Variants in CDC42BPB observed in about 807,000 individuals in gnomAD.
CDC42BPB encodes the protein CDC42 binding protein kinase beta, also known as serine/threonine-protein kinase MRCK beta.
A neutral mutation model predicts 214.9 loss-of-function variants in CDC42BPB; 37 were observed. That is an observed-to-expected ratio of 0.17 (90% CI 0.13 to 0.23). CDC42BPB has a LOEUF of 0.23. Among genes scored for constraint, CDC42BPB ranks in the 10% least tolerant of loss-of-function variants. The pLI is 1.00. For synonymous variants in CDC42BPB, 931 were observed against 884.0 expected (o/e 1.05, Z -0.94); for missense variants, 1,694 against 2,227.0 (o/e 0.76, Z 4.82).
chr14:103,052,856 G>C (rs1888686072), intron 1 of CDC42BPB, among the ~76,000 whole-genome samples: 3 of 152,096 alleles, frequency 2.0e-5, no homozygotes, highest in Non-Finnish European at 1.5e-5. Flanking sequence ...CCATCCAAAC[G>C]CAACATTAGC....
chr14:102,974,283 C>CACACACAT, intron 11 of CDC42BPB, 134 bp from the exon 12 acceptor site: 1 of 338,974 alleles, frequency 3.0e-6, no homozygotes, highest in East Asian at 9.0e-5. Flanking sequence ...TTTTTACTTA[C>CACACACAT]ACACACACAC....
At chr14:103,042,730 C>G (rs921010961) in intron 1 of CDC42BPB, among the ~76,000 whole-genome samples, 36 of 151,998 alleles carry the variant, frequency 2.4e-4, no homozygotes, top group African/African-American at 8.7e-4. Flanking sequence ...TAGGGAAAAG[C>G]AAATCAAAAC....
At chr14:103,000,300 C>G (rs1894919905) in intron 4 of CDC42BPB, among the ~76,000 whole-genome samples, 1 of 152,278 alleles carries the variant, frequency 6.6e-6, no homozygotes, top group South Asian at 2.1e-4. Flanking sequence ...CCGTCACTTC[C>G]CCGCGAGTTC....
rs187885224 is a variant in CDC42BPB at position 102,960,797 on chromosome 14, A to G, written c.2822-1087T>C. On this transcript the variant is annotated intron_variant, in intron 20 of 36. Coordinates refer to ENST00000361246, the MANE Select transcript of CDC42BPB (RefSeq NM_006035.4). The stretch of plus-strand genomic sequence containing the variant: ...ATTGGACAACCAGCTAGCCATTAGC[A>G]AAAGATAAAACTGGATACACTCCTC... Among the ~76,000 whole-genome samples, 1,114 of 152,312 alleles carry G rather than the reference A, an allele frequency of 7.3e-3. 17 individuals carry two copies. The highest frequency in any genetic ancestry group is 0.026 in the African/African-American group (1,073 of 41,552).
intron 36 of CDC42BPB, among the ~76,000 whole-genome samples, chr14:102,937,456 G>T (rs1421026848): frequency 6.6e-6 from 1 of 152,258 alleles, no homozygotes; most frequent in Non-Finnish European, 1.5e-5. Context: ...CAGTGCTGGG[G>T]CTGAGATGTG....
In CDC42BPB at chr14:102,933,842, G is replaced by A. The variant is rs1287785304; in HGVS notation, c.5006C>T (p.Pro1669Leu). Residue 1669 changes from proline to leucine, a missense_variant and splice_region_variant, in exon 37 of 37, where the codon CCT (proline) becomes CTT (leucine). Physicochemically the swap from Pro to Leu is moderately conservative, Grantham distance 98. Around this residue, in one of 7 missense-constraint regions of CDC42BPB, gnomAD observed 146 missense variants for 134.1 expected, o/e 1.09. Transcript: ENST00000361246. ...SDPDQDFDKE[P>L]DSDSTKHSTP... is the part of the protein sequence containing the mutation. ...TGAGTGTTTGGTGGAGTCCGAATCAGGCTGTGAACAGGAAGAGGGCAGGGT... is the reference window on the plus strand; with the variant it reads ...TGAGTGTTTGGTGGAGTCCGAATCAAGCTGTGAACAGGAAGAGGGCAGGGT... The A allele has an allele frequency of 1.3e-6, 2 of 1,522,242 alleles. No homozygotes were observed. Among genetic ancestry groups the A allele is most frequent in the Non-Finnish European group, 1.8e-6 (2 of 1,142,198 alleles). The allele number at this position is 1,522,242 out of a possible 1,614,324, so 94.3% of individuals were successfully genotyped here. A position where few individuals can be genotyped will look rare whatever the true frequency, so the allele number is the denominator to read the frequency against.
chr14:103,000,606 T>C (rs1403543811), intron 4 of CDC42BPB, among the ~76,000 whole-genome samples: 1 of 152,218 alleles, frequency 6.6e-6, no homozygotes, highest in Admixed American at 6.5e-5. Flanking sequence ...CCTTCCTTGG[T>C]GCAAATTTCC....
intron 1 of CDC42BPB, among the ~76,000 whole-genome samples, chr14:103,055,876 T>C (rs1392645971): frequency 6.6e-6 from 1 of 152,250 alleles, no homozygotes; most frequent in Admixed American, 6.5e-5. Context: ...GATTAGAAAT[T>C]ACTGGTTCGA....
chr14:102,970,832 T>C (rs1206480739), intron 13 of CDC42BPB, among the ~76,000 whole-genome samples: 3 of 152,144 alleles, frequency 2.0e-5, no homozygotes, highest in Admixed American at 6.5e-5. Context: ...GGTTGCAAAA[T>C]AGACTAAGAA....
intron 1 of CDC42BPB, among the ~76,000 whole-genome samples, chr14:103,033,282 C>T (rs970801187): frequency 1.3e-5 from 2 of 152,026 alleles, no homozygotes; most frequent in Admixed American, 6.6e-5. Context: ...AGTGCAGTGG[C>T]GCCATCTCTG....
intron 14 of CDC42BPB, among the ~76,000 whole-genome samples, chr14:102,969,921 C>T (rs140607423): frequency 6.6e-6 from 1 of 152,342 alleles, no homozygotes; most frequent in African/African-American, 2.4e-5. Flanking sequence ...TGTGAATTGC[C>T]TGAAACTTTT....
chr14:103,041,482 A>C, intron 1 of CDC42BPB: 1 of 1,299,454 alleles, frequency 7.7e-7, no homozygotes, highest in South Asian at 1.2e-5. Context: ...GCGCCCAGCC[A>C]GAATGGCATG....
chr14:102,971,887 C>G lies in CDC42BPB; in HGVS notation c.1884+32G>C, dbSNP rs894792345. 2.5e-6 allele frequency: 4 copies of G among 1,600,780 alleles called. No homozygotes were observed. In the East Asian group the frequency reaches 9.0e-5, roughly 36 times the overall value. On this transcript the variant is annotated intron_variant, in intron 13 of 36. Coordinates refer to ENST00000361246, the MANE Select transcript of CDC42BPB (RefSeq NM_006035.4). ...TATAAAAGTCACACAAATGTCCAGT[C>G]GATACCATCCCTGAACCATCTCCAC...
intron 1 of CDC42BPB, among the ~76,000 whole-genome samples, chr14:103,025,392 C>A (rs1283027283): frequency 6.6e-6 from 1 of 151,212 alleles, no homozygotes; most frequent in Non-Finnish European, 1.5e-5. Context: ...AAGACACACA[C>A]AAGAATGTTC....
chr14:103,057,365 G>T lies in CDC42BPB; in HGVS notation c.-192C>A. ...TCCGTCCCGACGGCGCAGAGTCTGGGGCGCCGGGCCCCGCGGGTCCATGGG... is the reference window on the plus strand; with the variant it reads ...TCCGTCCCGACGGCGCAGAGTCTGGTGCGCCGGGCCCCGCGGGTCCATGGG... On this transcript the variant is annotated 5_prime_UTR_variant, in exon 1 of 37. Coordinates refer to ENST00000361246, the MANE Select transcript of CDC42BPB (RefSeq NM_006035.4). The T allele has an allele frequency of 3.0e-6, 3 of 1,001,668 alleles. No homozygotes were observed. In the South Asian group the frequency reaches 1.4e-4, roughly 46 times the overall value. 62.0% of individuals were successfully genotyped at this position (1,001,668 alleles called of 1,614,324 possible).
At chr14:102,952,954 G>A (rs1253723018) in intron 23 of CDC42BPB, among the ~76,000 whole-genome samples, 1 of 152,218 alleles carries the variant, frequency 6.6e-6, no homozygotes, top group Non-Finnish European at 1.5e-5. Flanking sequence ...CTTGGGGGCC[G>A]ACCTGGGGCC....
Position 103,056,269 on chromosome 14 carries a change from T to TA in CDC42BPB, c.175+729dup, listed in dbSNP as rs112269391. 5.1e-3 allele frequency among the ~76,000 whole-genome samples: 749 copies of TA among 146,194 alleles called. 2 individuals carry two copies. The highest frequency in any genetic ancestry group is 0.014 in the African/African-American group (561 of 39,964). On this transcript the variant is annotated intron_variant, in intron 1 of 36. Coordinates refer to ENST00000361246, the MANE Select transcript of CDC42BPB (RefSeq NM_006035.4). ...CACAAAGGTCTAGCAGAATTGGAAT[T>TA]AAAAAAAAAAAGTCCTCTTGCACGG... is the stretch of plus-strand genomic sequence containing the variant.
chr14:103,014,040 C>G (rs945811254), intron 1 of CDC42BPB, among the ~76,000 whole-genome samples: 2 of 152,120 alleles, frequency 1.3e-5, no homozygotes, highest in African/African-American at 4.8e-5. Flanking sequence ...GTGGCGGGCG[C>G]CTGCGGTCCC....
rs747293174 is a variant in CDC42BPB at position 102,963,139 on chromosome 14, C to T, written c.2743G>A (p.Glu915Lys). Reference sequence around the variant, plus strand: ...TCTAATAATTCTCTGTTTTTGGCTTCGGAATCCTTTAGTTTGCTAAAATAA... The same window carrying T: ...TCTAATAATTCTCTGTTTTTGGCTTTGGAATCCTTTAGTTTGCTAAAATAA... ...LTLESKLKDS[E>K]AKNRELLEEM... Residue 915 changes from glutamate (E) to lysine (K), a missense_variant, in exon 20 of 37, where the codon GAA becomes AAA. Transcript: ENST00000361246. 16 of 1,596,932 alleles carry T rather than the reference C, an allele frequency of 1.0e-5. No homozygotes were observed. Among genetic ancestry groups the T allele is most frequent in the Middle Eastern group, 1.7e-4 (1 of 6,000 alleles).
Sources: gnomAD v4.1 joint callset for allele counts (sites outside exome capture counted in the v4.1 genomes callset) on GRCh38, gnomAD v4.1.1 for gene constraint, gnomAD v4.1.1 regional missense constraint, MANE v1.5 for transcripts, NCBI Gene and HGNC (gene_info 2026-07-23, HGNC 2026-07-21) for gene names.